ETF1: variants seen among roughly 807,000 people sequenced by gnomAD.
The protein encoded by ETF1 is eukaryotic translation termination factor 1.
In ETF1, 4 loss-of-function variants were observed where a neutral mutation model predicts 55.1. The ratio of observed to expected loss-of-function variants is 0.07; its 90% CI spans 0.04 to 0.17. ETF1 has a LOEUF of 0.17. Among genes scored for constraint, ETF1 ranks in the 10% least tolerant of loss-of-function variants. The pLI, the probability that ETF1 is intolerant of heterozygous loss-of-function variation, is 1.00. For missense variants in ETF1, 142 were observed against 523.6 expected (o/e 0.27, Z 7.11); for synonymous variants, 157 against 182.3 (o/e 0.86, Z 1.12).
intron 2 of ETF1, chr5:138,529,624 G>C: frequency 1.0e-6 from 1 of 985,416 alleles, no homozygotes; most frequent in Non-Finnish European, 1.2e-6. Flanking sequence ...ATTGGTTTTA[G>C]GGGCACTTTG....
At position 138,508,114 on chromosome 5, in the gene ETF1, C is replaced by T; in HGVS notation, c.*191G>A. ...TAGTTGTAGGCTGCTGCGCTGACAC[C>T]ATGACAAACCAAAGTGTAGGGCTGG... On this transcript the variant is annotated 3_prime_UTR_variant, in exon 11 of 11. Transcript: ENST00000360541. 1 of 637,330 alleles carries T rather than the reference C, an allele frequency of 1.6e-6. No individual in the cohort carries two copies. 39.5% of individuals were successfully genotyped at this position (637,330 alleles called of 1,614,324 possible).
chr5:138,518,674 G>A lies in ETF1; in HGVS notation c.262+18C>T. 1.2e-6 allele frequency: 2 copies of A among 1,604,044 alleles called. No individual in the cohort carries two copies. Among genetic ancestry groups the A allele is most frequent in the South Asian group, 2.2e-5 (2 of 90,554 alleles). ...ACCAAAATGTGTAGAGAAGGAAAAG[G>A]AGCAAACTCCAGATTACCTTTGTTA... is the stretch of plus-strand genomic sequence containing the variant. On this transcript the variant is annotated intron_variant, in intron 3 of 10. Transcript: ENST00000360541.
chr5:138,517,230 G>T (rs545706246), intron 4 of ETF1, among the ~76,000 whole-genome samples: 1 of 151,968 alleles, frequency 6.6e-6, no homozygotes, highest in Non-Finnish European at 1.5e-5. Flanking sequence ...AATTAGCTGG[G>T]TGTGGTGGCA....
chr5:138,530,398 C>A (rs1421517507), intron 2 of ETF1, among the ~76,000 whole-genome samples: 1 of 152,140 alleles, frequency 6.6e-6, no homozygotes, highest in Non-Finnish European at 1.5e-5. Flanking sequence ...TCTGCCTCAG[C>A]CTCCCAAGTA....
Position 138,507,718 on chromosome 5 carries a change from G to A in ETF1, c.*587C>T, listed in dbSNP as rs1764608920. On this transcript the variant is annotated 3_prime_UTR_variant, in exon 11 of 11. Coordinates refer to ENST00000360541, the MANE Select transcript of ETF1 (RefSeq NM_004730.4). ...TGGAGGGGGACGGGGTAGCGTGAGG[G>A]AGTGAAGTTGAAAGTGCCTCCTATT... 6.5e-6 allele frequency: 1 copy of A among 152,782 alleles called. No homozygotes were observed. Among genetic ancestry groups the A allele is most frequent in the South Asian group, 2.1e-4 (1 of 4,828 alleles). The allele number at this position is 152,782 out of a possible 1,614,324, so 9.5% of individuals were successfully genotyped here.
chr5:138,522,401 G>A (rs1765268521), intron 2 of ETF1, among the ~76,000 whole-genome samples: 1 of 152,118 alleles, frequency 6.6e-6, no homozygotes, highest in Admixed American at 6.6e-5. Context: ...CAATGCTGTT[G>A]GGAATGTTAA....
At chr5:138,508,484 C>A (rs1764639192) in intron 10 of ETF1, 97 bp from the exon 11 acceptor site, 1 of 1,570,486 alleles carries the variant, frequency 6.4e-7, no homozygotes, top group Non-Finnish European at 8.6e-7. Context: ...TATTCTCTTG[C>A]AGAATTGCAG....
At chr5:138,541,057 G>C (rs1401383592) in intron 2 of ETF1, among the ~76,000 whole-genome samples, 1 of 152,204 alleles carries the variant, frequency 6.6e-6, no homozygotes, top group Non-Finnish European at 1.5e-5. Flanking sequence ...GCCTGCTACT[G>C]AAAGCAGTAA....
intron 2 of ETF1, among the ~76,000 whole-genome samples, chr5:138,521,068 G>A (rs903186006): frequency 6.6e-5 from 10 of 152,108 alleles, no homozygotes; most frequent in South Asian, 4.1e-4. Flanking sequence ...ATAGCCTAGA[G>A]GTGGAAGCAA....
chr5:138,537,475 T>C (rs1765984832), intron 2 of ETF1, among the ~76,000 whole-genome samples: 1 of 152,198 alleles, frequency 6.6e-6, no homozygotes. Context: ...AAACCAAAAT[T>C]TGGAAAGAGT....
At chr5:138,520,645 C>G (rs977869579) in intron 2 of ETF1, among the ~76,000 whole-genome samples, 3 of 152,000 alleles carry the variant, frequency 2.0e-5, no homozygotes, top group African/African-American at 7.3e-5. Context: ...TAATGAGGCC[C>G]CCATCTGTAC....
chr5:138,529,292 A>T lies in ETF1; in HGVS notation c.87-10425T>A, dbSNP rs370295864. Reference sequence around the variant, plus strand: ...AGTTGTTAGACCAGTTTGTGTAAACACCCAAAATAAAATTAAGGAAGCTGA... The same window carrying T: ...AGTTGTTAGACCAGTTTGTGTAAACTCCCAAAATAAAATTAAGGAAGCTGA... On this transcript the variant is annotated intron_variant, in intron 2 of 10. Coordinates refer to ENST00000360541, the MANE Select transcript of ETF1 (RefSeq NM_004730.4). 3.3e-5 allele frequency among the ~76,000 whole-genome samples: 5 copies of T among 152,320 alleles called. No individual in the cohort carries two copies. The East Asian group carries it at 9.6e-4, about 29-fold the overall frequency.
intron 1 of ETF1, 80 bp from the exon 2 acceptor site, chr5:138,543,016 C>CTGGGGGATGGCGAGGAAGGGG: frequency 7.6e-7 from 1 of 1,320,254 alleles, no homozygotes; most frequent in Non-Finnish European, 1.1e-6. Context: ...CCCCCTTCCT[C>CTGGGGGATGGCGAGGAAGGGG]GCCATCCCCC....
chr5:138,542,782 G>T (rs1277622567), intron 2 of ETF1, 51 bp downstream of exon 2: 2 of 1,603,136 alleles, frequency 1.2e-6, no homozygotes, highest in African/African-American at 2.7e-5. Flanking sequence ...CGTCCATCCT[G>T]AGGGGTCCGG....
At chr5:138,508,847 G>C in intron 9 of ETF1, 31 bp from the exon 10 acceptor site, 1 of 1,607,350 alleles carries the variant, frequency 6.2e-7, no homozygotes, top group East Asian at 2.2e-5. Flanking sequence ...TACAAAAATG[G>C]GGGATTAGGA....
At position 138,508,746 on chromosome 5, in the gene ETF1, A is replaced by G; in HGVS notation, c.1154T>C (p.Phe385Ser). The change falls in exon 10 of 11, where the codon TTT (phenylalanine) becomes TCT (serine). Residue 385 changes from phenylalanine to serine, a missense_variant. This residue lies in a region of ETF1 where 82 missense variants were observed against 232.9 expected (regional missense o/e 0.35). Coordinates refer to ENST00000360541, the MANE Select transcript of ETF1 (RefSeq NM_004730.4). ...TGTGACAATTTCCAACGTAGCTCCA[A>G]ATTTTTTATAGTTGTTAGCAAACCA... ...LEWFANNYKK[F>S]GATLEIVTDK... 2 of 1,613,762 alleles carry G rather than the reference A, an allele frequency of 1.2e-6. No homozygotes were observed. The highest frequency in any genetic ancestry group is 1.7e-6 in the Non-Finnish European group (2 of 1,180,002).
intron 2 of ETF1, among the ~76,000 whole-genome samples, chr5:138,538,996 A>G (rs927356953): frequency 4.6e-5 from 7 of 152,238 alleles, no homozygotes; most frequent in African/African-American, 1.7e-4. Context: ...GATATCAACA[A>G]GTTATTTTTA....
intron 9 of ETF1, 52 bp from the exon 10 acceptor site, chr5:138,508,868 C>T (rs555186572): frequency 1.3e-6 from 2 of 1,581,708 alleles, no homozygotes; most frequent in Middle Eastern, 1.7e-4. Flanking sequence ...TATATGAAGG[C>T]TAATTAGTCC....
rs910783249 is a variant in ETF1 at position 138,541,790 on chromosome 5, TA to T, written c.86+1042del. On this transcript the variant is annotated intron_variant, in intron 2 of 10. Transcript: ENST00000360541. ...TGGGGGGGGGGGCACTTCCTGTAAG[TA>T]AAAAGTTTCTATGACTGGGAAAGGA... is the stretch of plus-strand genomic sequence containing the variant. 3 of 574,920 alleles carry T rather than the reference TA, an allele frequency of 5.2e-6. No homozygotes were observed. The African/African-American group carries it at 5.8e-5, about 11-fold the overall frequency. The allele number at this position is 574,920 out of a possible 1,614,324, so 35.6% of individuals were successfully genotyped here.
Sources: gnomAD v4.1 joint callset for allele counts (sites outside exome capture counted in the v4.1 genomes callset) on GRCh38, gnomAD v4.1.1 for gene constraint, gnomAD v4.1.1 regional missense constraint, MANE v1.5 for transcripts, NCBI Gene and HGNC (gene_info 2026-07-23, HGNC 2026-07-21) for gene names.